ST8SIA4: variants seen among roughly 807,000 people sequenced by gnomAD.
ST8SIA4 encodes CMP-N-acetylneuraminate-poly-alpha-2,8-sialyltransferase.
ST8SIA4 carries 15 observed loss-of-function variants against 33.9 expected under a neutral mutation model. The observed-to-expected ratio is 0.44, with a 90% CI of 0.30 to 0.68. The LOEUF (loss-of-function observed/expected upper bound fraction) is 0.68. Among genes scored for constraint, ST8SIA4 ranks in the 30% least tolerant of loss-of-function variants. The probability of loss-of-function intolerance (pLI) is 0.10; values close to 1 mark genes in which losing one functional copy is unlikely to be tolerated. For missense variants in ST8SIA4, 321 were observed against 428.0 expected (o/e 0.75, Z 2.21); for synonymous variants, 171 against 151.2 (o/e 1.13, Z -0.96).
chr5:100,808,077 C>T lies in ST8SIA4; in HGVS notation c.*3770G>A, dbSNP rs1395365084. The T allele has an allele frequency of 6.6e-6, 1 of 152,402 alleles. No individual in the cohort carries two copies. Among genetic ancestry groups the T allele is most frequent in the Non-Finnish European group, 1.5e-5 (1 of 67,968 alleles). 9.4% of individuals were successfully genotyped at this position (152,402 alleles called of 1,614,324 possible). A position where few individuals can be genotyped will look rare whatever the true frequency, so the allele number is the denominator to read the frequency against. ...TACCCCTTCCACAATTATATATACTCCCTACAATAACCACATGAAAACAAC... is the reference window on the plus strand; with the variant it reads ...TACCCCTTCCACAATTATATATACTTCCTACAATAACCACATGAAAACAAC... On this transcript the variant is annotated 3_prime_UTR_variant, in exon 5 of 5. Transcript: ENST00000231461.
intron 3 of ST8SIA4, among the ~76,000 whole-genome samples, chr5:100,857,837 G>A (rs1209636065): frequency 6.6e-6 from 1 of 151,824 alleles, no homozygotes; most frequent in Non-Finnish European, 1.5e-5. Flanking sequence ...TTTAGGGTTA[G>A]CTACTGAGGG....
At chr5:100,901,236 C>T (rs1031600703) in intron 1 of ST8SIA4, among the ~76,000 whole-genome samples, 21 of 152,328 alleles carry the variant, frequency 1.4e-4, no homozygotes, top group African/African-American at 4.8e-4. Context: ...TGGCGACCCT[C>T]TTCTCACTCG....
intron 4 of ST8SIA4, among the ~76,000 whole-genome samples, chr5:100,827,156 A>G (rs982234185): frequency 6.6e-6 from 1 of 152,178 alleles, no homozygotes. Context: ...TTGAAGTTCT[A>G]TTATAAATAT....
intron 4 of ST8SIA4, chr5:100,849,111 T>C: frequency 1.0e-6 from 1 of 959,970 alleles, no homozygotes; most frequent in Non-Finnish European, 1.2e-6. Flanking sequence ...TTAATGAACC[T>C]GTTTAGGAAG....
At chr5:100,848,548 G>C (rs1171179753) in intron 4 of ST8SIA4, among the ~76,000 whole-genome samples, 1 of 149,520 alleles carries the variant, frequency 6.7e-6, no homozygotes, top group African/African-American at 2.4e-5. Flanking sequence ...AGAATACATA[G>C]AATTGTATAT....
intron 4 of ST8SIA4, among the ~76,000 whole-genome samples, chr5:100,822,659 C>CTA (rs1414095835): frequency 6.6e-6 from 1 of 152,070 alleles, no homozygotes; most frequent in African/African-American, 2.4e-5. Flanking sequence ...GTCACAATAC[C>CTA]TATGTACATG....
At chr5:100,841,910 G>A (rs1008345799) in intron 4 of ST8SIA4, among the ~76,000 whole-genome samples, 1 of 151,778 alleles carries the variant, frequency 6.6e-6, no homozygotes, top group Non-Finnish European at 1.5e-5. Flanking sequence ...ACTTCCCTAT[G>A]TAATCTTGTT....
At chr5:100,850,197 G>A (rs1248305601) in intron 4 of ST8SIA4, among the ~76,000 whole-genome samples, 2 of 152,030 alleles carry the variant, frequency 1.3e-5, no homozygotes, top group Non-Finnish European at 2.9e-5. Flanking sequence ...AAAGATGTAA[G>A]TTTAAAAATG....
intron 3 of ST8SIA4, among the ~76,000 whole-genome samples, chr5:100,876,336 A>T (rs1214568281): frequency 1.3e-5 from 2 of 152,076 alleles, no homozygotes; most frequent in African/African-American, 4.8e-5. Context: ...ATTTTCTTTT[A>T]TGCTCCCATT....
At chr5:100,855,996 T>C in intron 4 of ST8SIA4, 107 bp downstream of exon 4, 1 of 996,244 alleles carries the variant, frequency 1.0e-6, no homozygotes, top group Non-Finnish European at 1.5e-6. Flanking sequence ...AACGGAAACA[T>C]ATATCCATTT....
At chr5:100,868,515 T>C (rs909382821) in intron 3 of ST8SIA4, among the ~76,000 whole-genome samples, 9 of 152,170 alleles carry the variant, frequency 5.9e-5, no homozygotes, top group African/African-American at 2.2e-4. Context: ...GGTGTTTTGT[T>C]GTTTAAAATG....
rs144689739 is a variant in ST8SIA4 at position 100,863,597 on chromosome 5, C to A, written c.504-7201G>T. Among the ~76,000 whole-genome samples, 1,375 of 151,926 alleles carry A rather than the reference C, an allele frequency of 9.1e-3. 19 individuals carry two copies. Among genetic ancestry groups the A allele is most frequent in the African/African-American group, 0.031 (1,304 of 41,428 alleles). The stretch of plus-strand genomic sequence containing the variant: ...AGATTTATATCATATAAGAAATGTA[C>A]CCAGTATGAACAACTACACATAAAC... On this transcript the variant is annotated intron_variant, in intron 3 of 4. Transcript: ENST00000231461.
At chr5:100,865,191 C>A (rs1298984716) in intron 3 of ST8SIA4, among the ~76,000 whole-genome samples, 2 of 152,132 alleles carry the variant, frequency 1.3e-5, no homozygotes, top group East Asian at 3.9e-4. Flanking sequence ...CTAGTTTTGA[C>A]CACATTTCTG....
chr5:100,841,628 T>C (rs1751472890), intron 4 of ST8SIA4, among the ~76,000 whole-genome samples: 1 of 151,862 alleles, frequency 6.6e-6, no homozygotes, highest in Non-Finnish European at 1.5e-5. Context: ...TTTTGTTGCT[T>C]CATTCCTTCC....
intron 3 of ST8SIA4, among the ~76,000 whole-genome samples, 193 bp from the exon 4 acceptor site, chr5:100,856,589 A>C (rs1751819091): frequency 6.6e-6 from 1 of 152,202 alleles, no homozygotes; most frequent in Non-Finnish European, 1.5e-5. Flanking sequence ...CTGCAATAAA[A>C]ATATACAGTC....
chr5:100,811,657 C>G lies in ST8SIA4; in HGVS notation c.*190G>C. The G allele has an allele frequency of 3.3e-6, 2 of 598,734 alleles. No homozygotes were observed. The allele number at this position is 598,734 out of a possible 1,614,324, so 37.1% of individuals were successfully genotyped here. A position where few individuals can be genotyped will look rare whatever the true frequency, so the allele number is the denominator to read the frequency against. The stretch of plus-strand genomic sequence containing the variant: ...TGGCACTTACTAGGACCCTTAAAGT[C>G]AAAATATTTAATTTTTAGAGCACTT... On this transcript the variant is annotated 3_prime_UTR_variant, in exon 5 of 5. Transcript: ENST00000231461.
chr5:100,814,547 A>G (rs1580445564), intron 4 of ST8SIA4, among the ~76,000 whole-genome samples: 1 of 152,028 alleles, frequency 6.6e-6, no homozygotes, highest in Admixed American at 6.5e-5. Flanking sequence ...ACAGAAAGAT[A>G]CACCTTAATA....
intron 4 of ST8SIA4, among the ~76,000 whole-genome samples, chr5:100,848,890 T>C (rs1340852805): frequency 6.7e-6 from 1 of 150,226 alleles, no homozygotes; most frequent in African/African-American, 2.4e-5. Flanking sequence ...TGTGTAACTA[T>C]GTGTGTCTAT....
chr5:100,880,240 A>T (rs961489687), intron 3 of ST8SIA4, among the ~76,000 whole-genome samples: 2 of 152,204 alleles, frequency 1.3e-5, no homozygotes, highest in Admixed American at 6.5e-5. Flanking sequence ...ATGCAGGCAA[A>T]GCTTGCCTTG....
Sources: gnomAD v4.1 joint callset for allele counts (sites outside exome capture counted in the v4.1 genomes callset) on GRCh38, gnomAD v4.1.1 for gene constraint, MANE v1.5 for transcripts, NCBI Gene and HGNC (gene_info 2026-07-23, HGNC 2026-07-21) for gene names.